Variants in SLC16A7 observed in about 807,000 individuals in gnomAD.
The protein encoded by SLC16A7 is monocarboxylate transporter 2.
A neutral mutation model predicts 34.9 loss-of-function variants in SLC16A7; 33 were observed. The ratio of observed to expected loss-of-function variants is 0.94; its 90% CI spans 0.72 to 1.26. SLC16A7 has a LOEUF of 1.26. Among genes scored for constraint, SLC16A7 ranks in the 50% most tolerant of loss-of-function variants. SLC16A7 has a pLI of 0.00. For synonymous variants in SLC16A7, 201 were observed against 206.6 expected (o/e 0.97, Z 0.23); for missense variants, 573 against 578.1 (o/e 0.99, Z 0.09).
intron 3 of SLC16A7, among the ~76,000 whole-genome samples, chr12:59,750,335 C>A (rs1879375657): frequency 6.6e-6 from 1 of 152,118 alleles, no homozygotes; most frequent in African/African-American, 2.4e-5. Flanking sequence ...GGGCTAGTAT[C>A]CAGAATCTAC....
At chr12:59,720,165 GAT>G in intron 3 of SLC16A7, 1 of 675,958 alleles carries the variant, frequency 1.5e-6, no homozygotes, top group South Asian at 1.6e-5. Flanking sequence ...CAATTGGAAA[GAT>G]AATAAATTTG....
chr12:59,678,815 G>A (rs113343166), intron 2 of SLC16A7, among the ~76,000 whole-genome samples: 2,617 of 152,220 alleles, frequency 0.017, 40 homozygotes, highest in Middle Eastern at 0.037. Context: ...TGATGCACAG[G>A]CTGCTTGTGC....
At chr12:59,623,538 A>T (rs897882653) in intron 1 of SLC16A7, among the ~76,000 whole-genome samples, 2 of 151,732 alleles carry the variant, frequency 1.3e-5, no homozygotes, top group African/African-American at 4.8e-5. Context: ...ATATATTGAG[A>T]TACCATATAT....
At chr12:59,618,736 T>A (rs1160842185) in intron 1 of SLC16A7, among the ~76,000 whole-genome samples, 1 of 151,984 alleles carries the variant, frequency 6.6e-6, no homozygotes, top group Non-Finnish European at 1.5e-5. Context: ...GATATTATGA[T>A]CAAGAACTTT....
chr12:59,719,318 A>G (rs994533675), intron 3 of SLC16A7, among the ~76,000 whole-genome samples: 1 of 152,212 alleles, frequency 6.6e-6, no homozygotes, highest in Non-Finnish European at 1.5e-5. Context: ...GAGATATAAT[A>G]AAACAATATG....
chr12:59,643,753 G>A (rs540669312), intron 1 of SLC16A7, among the ~76,000 whole-genome samples: 6 of 152,284 alleles, frequency 3.9e-5, no homozygotes, highest in African/African-American at 9.6e-5. Context: ...GTCTGAAAAC[G>A]TTGGTCTTCT....
At chr12:59,757,402 TAAA>T (rs919894016) in intron 3 of SLC16A7, among the ~76,000 whole-genome samples, 2 of 151,938 alleles carry the variant, frequency 1.3e-5, no homozygotes, top group African/African-American at 4.8e-5. Flanking sequence ...TTAATAATAA[TAAA>T]AAAAGAAGAC....
chr12:59,741,266 C>T (rs1178575447), intron 3 of SLC16A7, among the ~76,000 whole-genome samples: 1 of 152,182 alleles, frequency 6.6e-6, no homozygotes, highest in African/African-American at 2.4e-5. Context: ...CAATCCTAAG[C>T]CTATCCTCAA....
chr12:59,608,755 A>G (rs1008360277), intron 1 of SLC16A7, among the ~76,000 whole-genome samples: 1 of 152,168 alleles, frequency 6.6e-6, no homozygotes, highest in Non-Finnish European at 1.5e-5. Flanking sequence ...ATTTGTTTTC[A>G]TTTTATTTTT....
intron 2 of SLC16A7, among the ~76,000 whole-genome samples, chr12:59,704,350 G>A (rs977662882): frequency 9.2e-5 from 14 of 151,964 alleles, no homozygotes; most frequent in African/African-American, 2.4e-4. Flanking sequence ...CCATCATTTC[G>A]TTCCTTGGCT....
intron 1 of SLC16A7, among the ~76,000 whole-genome samples, chr12:59,606,586 A>AAGGTGAGGCTGGCC (rs1878951284): frequency 6.6e-6 from 1 of 152,190 alleles, no homozygotes; most frequent in African/African-American, 2.4e-5. Flanking sequence ...GGGACTCAGC[A>AAGGTGAGGCTGGCC]AGGTGAGGCT....
At chr12:59,777,720 G>A (rs1295919246) in intron 5 of SLC16A7, among the ~76,000 whole-genome samples, 1 of 151,610 alleles carries the variant, frequency 6.6e-6, no homozygotes, top group Non-Finnish European at 1.5e-5. Flanking sequence ...AGTTACATAT[G>A]TATGCATGTG....
chr12:59,598,992 C>T (rs748437477), intron 1 of SLC16A7, among the ~76,000 whole-genome samples: 5 of 152,216 alleles, frequency 3.3e-5, no homozygotes, highest in African/African-American at 7.2e-5. Context: ...AGTTTCATAG[C>T]TTATTCAGCT....
rs1344856925 is a variant in SLC16A7, at chr12:59,704,914, A to G, written c.113A>G (p.Lys38Arg). 6.8e-6 allele frequency: 11 copies of G among 1,613,562 alleles called. No individual in the cohort carries two copies. Among genetic ancestry groups the G allele is most frequent in the Non-Finnish European group, 9.3e-6 (11 of 1,179,554 alleles). ...ISIGFSYAFP[K>R]AVTVFFKEIQ... is the part of the protein sequence containing the mutation. ...ATTGGATTTTCCTATGCATTCCCCA[A>G]AGCTGTCACCGTATTCTTCAAAGAA... The change falls in exon 3 of 6, where the codon AAA (lysine) becomes AGA (arginine). Residue 38 changes from lysine (K) to arginine (R), a missense_variant. Coordinates refer to ENST00000547379, the MANE Select transcript of SLC16A7 (RefSeq NM_001270623.2).
Position 59,781,536 on chromosome 12 carries a change from T to A in SLC16A7, c.*1857T>A, listed in dbSNP as rs1270576164. 6.6e-6 allele frequency: 1 copy of A among 152,578 alleles called. No homozygotes were observed. The highest frequency in any genetic ancestry group is 1.5e-5 in the Non-Finnish European group (1 of 68,026). The allele number at this position is 152,578 out of a possible 1,614,324, so 9.5% of individuals were successfully genotyped here. ...CAGTTTTTCATTTAACATTTGCTCT[T>A]TTGCATATGAAGAGATATTTGTATT... On this transcript the variant is annotated 3_prime_UTR_variant, in exon 6 of 6. Coordinates refer to ENST00000547379, the MANE Select transcript of SLC16A7 (RefSeq NM_001270623.2).
chr12:59,778,037 T>G lies in SLC16A7; in HGVS notation c.1181-1386T>G, dbSNP rs183051952. On this transcript the variant is annotated intron_variant, in intron 5 of 5. Transcript: ENST00000547379. ...ATGGTGTATATGTGCCCCATTTTCT[T>G]AATCCAATCTATCATTGTTGGACAT... 1.2e-4 allele frequency among the ~76,000 whole-genome samples: 19 copies of G among 152,238 alleles called. 1 individual carries two copies. The highest frequency in any genetic ancestry group is 6.8e-3 in the Middle Eastern group (2 of 294).
intron 1 of SLC16A7, among the ~76,000 whole-genome samples, chr12:59,599,301 T>C (rs1878573121): frequency 6.6e-6 from 1 of 152,196 alleles, no homozygotes; most frequent in African/African-American, 2.4e-5. Flanking sequence ...AAATCCAGCA[T>C]GAACTCTGCC....
intron 2 of SLC16A7, among the ~76,000 whole-genome samples, chr12:59,656,733 AG>A (rs1868553626): frequency 6.6e-6 from 1 of 151,988 alleles, no homozygotes; most frequent in Non-Finnish European, 1.5e-5. Flanking sequence ...AGAGGTTATT[AG>A]GTCAGTCATA....
intron 3 of SLC16A7, chr12:59,720,119 T>C (rs1485059558): frequency 1.4e-6 from 1 of 698,950 alleles, no homozygotes; most frequent in Non-Finnish European, 2.6e-6. Context: ...CATCAGTTGA[T>C]TGACGTGTTA....
Sources: allele counts gnomAD v4.1 joint callset (sites outside exome capture counted in the v4.1 genomes callset), GRCh38; gene constraint gnomAD v4.1.1; transcripts MANE v1.5; gene names NCBI Gene and HGNC (gene_info 2026-07-23, HGNC 2026-07-21).